DNAH9: variants seen among roughly 807,000 people sequenced by gnomAD.
DNAH9 encodes the protein dynein axonemal heavy chain 9, also known as DNAH9 variant protein.
In DNAH9, 345 loss-of-function variants were observed where a neutral mutation model predicts 471.6. That is an observed-to-expected ratio of 0.73 (90% CI 0.67 to 0.80). DNAH9 has a LOEUF of 0.80. Among genes scored for constraint, DNAH9 ranks in the 30% least tolerant of loss-of-function variants. The pLI is 0.00. For missense variants in DNAH9, 5,407 were observed against 5,609.2 expected (o/e 0.96, Z 1.15); for synonymous variants, 2,093 against 2,123.6 (o/e 0.99, Z 0.40).
At chr17:11,690,878 G>A (rs775397709) in intron 20 of DNAH9, among the ~76,000 whole-genome samples, 5 of 152,126 alleles carry the variant, frequency 3.3e-5, no homozygotes, top group South Asian at 4.2e-4. Flanking sequence ...CTGTGCCAGC[G>A]CTCCAACTAC....
rs189320726 is a variant in DNAH9, at chr17:11,699,794, A to T, written c.4936A>T (p.Ser1646Cys). 6 of 1,614,080 alleles carry T rather than the reference A, an allele frequency of 3.7e-6. No homozygotes were observed. The highest frequency in any genetic ancestry group is 4.2e-6 in the Non-Finnish European group (5 of 1,180,016). The change falls in exon 23 of 69, where the codon AGT becomes TGT. Residue 1646 changes from serine to cysteine, a missense_variant. This residue lies in a region of DNAH9 where 4,636 missense variants were observed against 4,900.3 expected (regional missense o/e 0.95). Transcript: ENST00000262442. ...MAKMRFQLDA[S>C]GEPTKTSLGM... ...CAAGATGCGATTCCAGCTAGATGCCAGTGGGGAACCAACCAAGACAAGCCT... is the reference window on the plus strand; with the variant it reads ...CAAGATGCGATTCCAGCTAGATGCCTGTGGGGAACCAACCAAGACAAGCCT...
chr17:11,638,353 A>T (rs1017338566), intron 9 of DNAH9, among the ~76,000 whole-genome samples: 1 of 152,114 alleles, frequency 6.6e-6, no homozygotes, highest in African/African-American at 2.4e-5. Context: ...CCACGACCTT[A>T]GTACCTTAAA....
chr17:11,847,984 C>T (rs1191758461), intron 49 of DNAH9, among the ~76,000 whole-genome samples: 2 of 151,734 alleles, frequency 1.3e-5, no homozygotes, highest in Non-Finnish European at 2.9e-5. Context: ...GTCTCTGTCT[C>T]TCCAGGTTCT....
intron 35 of DNAH9, among the ~76,000 whole-genome samples, chr17:11,762,714 A>G (rs1469092844): frequency 6.7e-6 from 1 of 148,312 alleles, no homozygotes; most frequent in African/African-American, 2.5e-5. Context: ...GAAGAGGTAG[A>G]AGGGCAAGCC....
At chr17:11,644,750 C>T (rs778283368) in intron 11 of DNAH9, 51 bp downstream of exon 11, 1 of 1,303,932 alleles carries the variant, frequency 7.7e-7, no homozygotes, top group Non-Finnish European at 1.1e-6. Context: ...AGCCTCCATG[C>T]TGCCTTTTGC....
rs531149193 is a variant in DNAH9 at position 11,889,600 on chromosome 17, G to A, written c.11113-2177G>A. ...GAGTTTGATACCCTTGGTCTAGAGC[G>A]TTGCTCATACTTTGCCTAGGTTCTT... On this transcript the variant is annotated intron_variant, in intron 57 of 68. Transcript: ENST00000262442. Among the ~76,000 whole-genome samples the A allele has an allele frequency of 1.1e-4, 16 of 152,328 alleles. No individual in the cohort carries two copies. The East Asian group carries it at 1.7e-3, about 17-fold the overall frequency.
intron 1 of DNAH9, among the ~76,000 whole-genome samples, chr17:11,603,252 A>G (rs1233686193): frequency 6.6e-6 from 1 of 152,144 alleles, no homozygotes; most frequent in Non-Finnish European, 1.5e-5. Context: ...TATTCCAACT[A>G]TATTTTCTTG....
At chr17:11,675,890 T>G (rs559821862) in intron 17 of DNAH9, among the ~76,000 whole-genome samples, 1 of 151,546 alleles carries the variant, frequency 6.6e-6, no homozygotes, top group South Asian at 2.1e-4. Flanking sequence ...TCAATTTTCT[T>G]TTTTTTTTCC....
At chr17:11,964,260 T>C (rs1006660537) in intron 68 of DNAH9, among the ~76,000 whole-genome samples, 8 of 152,144 alleles carry the variant, frequency 5.3e-5, no homozygotes, top group Non-Finnish European at 1.0e-4. Context: ...TTGCATTAGG[T>C]ATAAGGTGGC....
At chr17:11,882,465 G>C (rs1209496062) in intron 55 of DNAH9, among the ~76,000 whole-genome samples, 1 of 152,136 alleles carries the variant, frequency 6.6e-6, no homozygotes, top group Non-Finnish European at 1.5e-5. Context: ...GGGTCGGTAG[G>C]TGGAATTCCA....
Position 11,821,948 on chromosome 17 carries a change from T to C in DNAH9, c.8736T>C (p.Asp2912=). 2 of 1,613,994 alleles carry C rather than the reference T, an allele frequency of 1.2e-6. No homozygotes were observed. Among genetic ancestry groups the C allele is most frequent in the Non-Finnish European group, 1.7e-6 (2 of 1,179,966 alleles). The change falls in exon 46 of 69, where the codon GAT becomes GAC. Residue 2912 remains aspartate, a synonymous_variant. Coordinates refer to ENST00000262442, the MANE Select transcript of DNAH9 (RefSeq NM_001372.4). ...AGATCCCAGATCTCTACTCTGATGA[T>C]GAAGTTGAAAACATCATAAGCAATG... ...SGEIPDLYSD[D]EVENIISNVR...
At chr17:11,714,466 C>T (rs2150793998) in intron 26 of DNAH9, among the ~76,000 whole-genome samples, 1 of 152,258 alleles carries the variant, frequency 6.6e-6, no homozygotes, top group South Asian at 2.1e-4. Context: ...AAGGTAGATA[C>T]TGTTGCATTC....
intron 56 of DNAH9, among the ~76,000 whole-genome samples, chr17:11,885,383 T>C (rs1214624956): frequency 1.3e-5 from 2 of 152,190 alleles, no homozygotes; most frequent in Non-Finnish European, 2.9e-5. Context: ...GAGTTTCCGT[T>C]GTATAGGGCT....
intron 65 of DNAH9, among the ~76,000 whole-genome samples, chr17:11,935,911 GT>G (rs1974697448): frequency 6.6e-6 from 1 of 152,168 alleles, no homozygotes; most frequent in Non-Finnish European, 1.5e-5. Context: ...AAGAGGAAAT[GT>G]TTTTAACTAC....
At chr17:11,685,832 T>C (rs1597477101) in intron 19 of DNAH9, among the ~76,000 whole-genome samples, 1 of 130,258 alleles carries the variant, frequency 7.7e-6, no homozygotes, top group African/African-American at 2.9e-5. Flanking sequence ...TGAGACGGAG[T>C]CTCGCTCTGT....
chr17:11,634,953 T>G (rs1472460310), intron 8 of DNAH9, among the ~76,000 whole-genome samples: 1 of 151,952 alleles, frequency 6.6e-6, no homozygotes, highest in Non-Finnish European at 1.5e-5. Context: ...AATAAGGAGG[T>G]AGGATAAAGA....
rs755321609 is a variant in DNAH9, at chr17:11,894,374, A to G, written c.11284A>G (p.Ile3762Val). 37 of 1,613,830 alleles carry G rather than the reference A, an allele frequency of 2.3e-5. No homozygotes were observed. The highest frequency in any genetic ancestry group is 2.8e-5 in the Non-Finnish European group (33 of 1,179,908). Residue 3762 changes from isoleucine to valine, a missense_variant and splice_region_variant, in exon 59 of 69, where the codon ATT (isoleucine) becomes GTT (valine). Physicochemically the swap from Ile to Val is conservative, Grantham distance 29. Transcript: ENST00000262442. The part of the protein sequence containing the change: ...LTYLAQLTFQ[I>V]LLMNREVNAV... ...GCAGTATCATTTCTCCACATTGCAG[A>G]TTCTCCTCATGAACCGAGAAGTCAA...
Position 11,705,189 on chromosome 17 carries a change from A to G in DNAH9, c.5552+4A>G, listed in dbSNP as rs779402901. The G allele has an allele frequency of 9.9e-6, 16 of 1,613,582 alleles. No individual in the cohort carries two copies. Among genetic ancestry groups the G allele is most frequent in the Non-Finnish European group, 1.3e-5 (15 of 1,179,638 alleles). ...TGATCACACCTTTGACTGACAGGTG[A>G]GCACTGGTGTCAACCACTGACAGCC... On this transcript the variant is annotated splice_donor_region_variant and intron_variant, in intron 26 of 68. Coordinates refer to ENST00000262442, the MANE Select transcript of DNAH9 (RefSeq NM_001372.4).
At chr17:11,610,312 G>T (rs1173708366) in intron 2 of DNAH9, 84 bp from the exon 3 acceptor site, 1 of 1,148,626 alleles carries the variant, frequency 8.7e-7, no homozygotes, top group Non-Finnish European at 1.2e-6. Context: ...TTGGGATTCT[G>T]TCTTGGGGTA....
Sources: allele counts gnomAD v4.1 joint callset (sites outside exome capture counted in the v4.1 genomes callset), GRCh38; gene constraint gnomAD v4.1.1; regional missense constraint gnomAD v4.1.1; transcripts MANE v1.5; gene names NCBI Gene and HGNC (gene_info 2026-07-23, HGNC 2026-07-21).